NREP: variants seen among roughly 807,000 people sequenced by gnomAD.
NREP encodes the protein neuronal regeneration related protein.
NREP carries 5 observed loss-of-function variants against 8.6 expected under a neutral mutation model. That is an observed-to-expected ratio of 0.58 (90% CI 0.30 to 1.22). The LOEUF is 1.22. Among genes scored for constraint, NREP ranks in the 50% most tolerant of loss-of-function variants. The probability of loss-of-function intolerance (pLI) is 0.07; values close to 1 mark genes in which losing one functional copy is unlikely to be tolerated. For missense variants in NREP, 86 were observed against 82.5 expected, an observed-to-expected ratio of 1.04 and a Z score of -0.17; for synonymous variants, 27 against 28.0, an observed-to-expected ratio of 0.96 and a Z score of 0.11.
At chr5:111,800,393 T>C (rs1248370509) in intron 2 of NREP, among the ~76,000 whole-genome samples, 1 of 152,248 alleles carries the variant, frequency 6.6e-6, no homozygotes, top group Non-Finnish European at 1.5e-5. Context: ...GCCAGCTTCA[T>C]GGGCATGCCA....
chr5:111,881,297 CT>C (rs1384625481), intron 2 of NREP, among the ~76,000 whole-genome samples: 1 of 152,192 alleles, frequency 6.6e-6, no homozygotes, highest in Non-Finnish European at 1.5e-5. Context: ...ATTGCCCAGG[CT>C]TGCTTAGGTA....
chr5:111,742,528 T>C (rs1394258766), intron 2 of NREP, among the ~76,000 whole-genome samples: 1 of 151,978 alleles, frequency 6.6e-6, no homozygotes, highest in African/African-American at 2.4e-5. Context: ...GGCTGCTGAG[T>C]GTTTTAAAAT....
chr5:111,755,664 G>A (rs932281099), intron 2 of NREP, 106 bp downstream of exon 2: 1 of 1,247,004 alleles, frequency 8.0e-7, no homozygotes, highest in Non-Finnish European at 1.2e-6. Flanking sequence ...GTCAGATGGG[G>A]TGTAGAACAA....
chr5:111,897,533 G>C (rs1300789456), intron 2 of NREP, among the ~76,000 whole-genome samples: 1 of 152,062 alleles, frequency 6.6e-6, no homozygotes, highest in Non-Finnish European at 1.5e-5. Context: ...GGTTAAACTT[G>C]TGAGCTTTCC....
chr5:111,947,053 C>T (rs142583300), intron 2 of NREP, among the ~76,000 whole-genome samples: 51 of 152,072 alleles, frequency 3.4e-4, no homozygotes, highest in African/African-American at 1.2e-3. Flanking sequence ...TTGTAAGATT[C>T]CAAATCACAG....
At chr5:111,777,662 A>G (rs1250213465) in intron 2 of NREP, among the ~76,000 whole-genome samples, 8 of 152,080 alleles carry the variant, frequency 5.3e-5, no homozygotes, top group East Asian at 1.9e-4. Flanking sequence ...TAAGTCCAAA[A>G]TGCTGTTTAT....
intron 2 of NREP, among the ~76,000 whole-genome samples, chr5:111,920,921 C>A (rs1019266339): frequency 6.6e-6 from 1 of 152,158 alleles, no homozygotes; most frequent in East Asian, 1.9e-4. Context: ...CTTACTGGGG[C>A]CCACTGTATG....
At chr5:111,859,647 C>T (rs982542858) in intron 2 of NREP, among the ~76,000 whole-genome samples, 8 of 152,078 alleles carry the variant, frequency 5.3e-5, no homozygotes, top group African/African-American at 7.2e-5. Context: ...TCTACCCTAC[C>T]GTACCTGTAG....
At chr5:111,967,511 T>C (rs879285311) in intron 2 of NREP, among the ~76,000 whole-genome samples, 11 of 152,200 alleles carry the variant, frequency 7.2e-5, no homozygotes, top group Admixed American at 2.0e-4. Context: ...GACACCAAGC[T>C]AGTCCATCAA....
intron 2 of NREP, among the ~76,000 whole-genome samples, chr5:111,740,024 AAAG>A (rs1440100434): frequency 1.3e-5 from 2 of 152,164 alleles, no homozygotes; most frequent in Non-Finnish European, 2.9e-5. Context: ...TAAAAAAAAA[AAAG>A]TAGAGGGAAG....
intron 2 of NREP, among the ~76,000 whole-genome samples, chr5:111,957,420 C>T (rs951395337): frequency 4.0e-5 from 6 of 151,732 alleles, no homozygotes; most frequent in Non-Finnish European, 2.9e-5. Context: ...AAAAACCACC[C>T]CTCCCCAAAG....
intron 2 of NREP, 198 bp downstream of exon 2, chr5:111,755,572 A>G: frequency 1.6e-6 from 1 of 629,816 alleles, no homozygotes; most frequent in Non-Finnish European, 2.9e-6. Flanking sequence ...ATTGCAAGTC[A>G]AAGAACTAAT....
intron 2 of NREP, among the ~76,000 whole-genome samples, chr5:111,908,700 G>T (rs147476179): frequency 3.3e-5 from 5 of 151,786 alleles, no homozygotes; most frequent in Admixed American, 6.6e-5. Context: ...GGTTGACTCC[G>T]TGTTTTTGCT....
chr5:111,910,391 G>C (rs1029130391), intron 2 of NREP, among the ~76,000 whole-genome samples: 1 of 151,968 alleles, frequency 6.6e-6, no homozygotes, highest in African/African-American at 2.4e-5. Context: ...AGCACAGAGG[G>C]TCAATGTGTG....
chr5:111,975,158 G>T, intron 2 of NREP: 1 of 695,542 alleles, frequency 1.4e-6, no homozygotes, highest in South Asian at 1.8e-5. Context: ...AGGCTTTCAC[G>T]GGGCAATGGT....
At chr5:111,969,514 A>C (rs1413513689) in intron 2 of NREP, 1 of 152,250 alleles carries the variant, frequency 6.6e-6, no homozygotes, top group Non-Finnish European at 1.5e-5. Context: ...CATCTTCTAT[A>C]ACCTAAATGA....
At chr5:111,921,854 A>G (rs1375577413) in intron 2 of NREP, among the ~76,000 whole-genome samples, 1 of 152,122 alleles carries the variant, frequency 6.6e-6, no homozygotes, top group African/African-American at 2.4e-5. Flanking sequence ...ATGACAGTGA[A>G]TAAGTCTCAC....
At chr5:111,749,969 T>C (rs1252642535) in intron 2 of NREP, among the ~76,000 whole-genome samples, 1 of 152,150 alleles carries the variant, frequency 6.6e-6, no homozygotes, top group Non-Finnish European at 1.5e-5. Context: ...AGTGTGTGTG[T>C]TCTTTCCTGT....
rs189680169 is a variant in NREP, at chr5:111,831,364, T to C, written c.136-95857A>G. Reference sequence around the variant, plus strand: ...CCATCAGCCAACTCAGGTCATACCATTGGGCCATTGAAACTAGTCTATGGC... The same window carrying C: ...CCATCAGCCAACTCAGGTCATACCACTGGGCCATTGAAACTAGTCTATGGC... On this transcript the variant is annotated intron_variant, in intron 2 of 3. Coordinates refer to the NREP transcript ENST00000395634. Among the ~76,000 whole-genome samples, 6 of 152,246 alleles carry C rather than the reference T, an allele frequency of 3.9e-5. No homozygotes were observed. In the East Asian group the frequency reaches 7.7e-4, roughly 20 times the overall value.
Sources: allele counts gnomAD v4.1 joint callset (sites outside exome capture counted in the v4.1 genomes callset), GRCh38; gene constraint gnomAD v4.1.1; transcripts MANE v1.5; gene names NCBI Gene and HGNC (gene_info 2026-07-23, HGNC 2026-07-21).